The following CACNA2D2 variants were observed in gnomAD, a reference collection of about 807,000 sequenced individuals.
The protein encoded by CACNA2D2 is calcium voltage-gated channel auxiliary subunit alpha2delta 2.
A neutral mutation model predicts 166.4 loss-of-function variants in CACNA2D2; 48 were observed. The ratio of observed to expected loss-of-function variants is 0.29; its 90% CI spans 0.23 to 0.37. The LOEUF is 0.37. Among genes scored for constraint, CACNA2D2 ranks in the 10% least tolerant of loss-of-function variants. The probability of loss-of-function intolerance (pLI) is 1.00; values close to 1 mark genes in which losing one functional copy is unlikely to be tolerated. For synonymous variants in CACNA2D2, 561 were observed against 573.7 expected, an observed-to-expected ratio of 0.98 and a Z score of 0.32; for missense variants, 1,122 against 1,433.0, an observed-to-expected ratio of 0.78 and a Z score of 3.50.
intron 2 of CACNA2D2, among the ~76,000 whole-genome samples, chr3:50,437,522 G>A (rs1241242751): frequency 2.6e-5 from 4 of 152,168 alleles, no homozygotes; most frequent in Non-Finnish European, 5.9e-5. Flanking sequence ...ATAGCCCCTA[G>A]TGCCACAGCC....
At chr3:50,465,966 G>A (rs192902544) in intron 2 of CACNA2D2, among the ~76,000 whole-genome samples, 1 of 152,268 alleles carries the variant, frequency 6.6e-6, no homozygotes, top group East Asian at 1.9e-4. Flanking sequence ...CCACTCCCCA[G>A]GAGGCCCGGG....
chr3:50,366,565 A>G lies in CACNA2D2; in HGVS notation c.2637+13T>C, dbSNP rs1385474842. The G allele has an allele frequency of 6.2e-7, 1 of 1,613,732 alleles. No homozygotes were observed. On this transcript the variant is annotated intron_variant, in intron 30 of 37. Transcript: ENST00000424201. The surrounding 1 kb of genome is among the most constrained non-coding windows in gnomAD (Gnocchi z 5.9). ...GTAAGCTAGGGTCCAGGGTAGGTTC[A>G]GGGCACACACACCTCATTGTTAACC...
At chr3:50,430,309 C>T (rs1006249552) in intron 3 of CACNA2D2, among the ~76,000 whole-genome samples, 4 of 152,210 alleles carry the variant, frequency 2.6e-5, no homozygotes, top group Admixed American at 6.5e-5. Flanking sequence ...TCACCCCTCA[C>T]CTAATCCTGG....
chr3:50,395,164 T>C (rs1481697787), intron 3 of CACNA2D2, among the ~76,000 whole-genome samples: 1 of 152,186 alleles, frequency 6.6e-6, no homozygotes, highest in African/African-American at 2.4e-5. Context: ...ACCATCACTA[T>C]CAACTGGCCA....
rs1340091797 is a variant in CACNA2D2, at chr3:50,476,147, T to C, written c.259A>G (p.Ile87Val). The change falls in exon 2 of 38, where the codon ATT (isoleucine) becomes GTT (valine). Residue 87 changes from isoleucine (I) to valine (V), a missense_variant. Physicochemically the swap from Ile to Val is conservative, Grantham distance 29 (BLOSUM62 3). Transcript: ENST00000424201. ...CGGAGCTGCTGGACGCCTCCAAAAATCCGCATCACGCCGTCGACCTCCTGC... is the reference window on the plus strand; with the variant it reads ...CGGAGCTGCTGGACGCCTCCAAAAACCCGCATCACGCCGTCGACCTCCTGC... The part of the protein sequence containing the change: ...LEQEVDGVMR[I>V]FGGVQQLREI... 1.4e-5 allele frequency: 23 copies of C among 1,603,076 alleles called. No homozygotes were observed. The Admixed American group carries it at 3.5e-4, about 25-fold the overall frequency.
intron 2 of CACNA2D2, among the ~76,000 whole-genome samples, chr3:50,449,827 C>T (rs1380442784): frequency 4.6e-5 from 7 of 152,276 alleles, no homozygotes; most frequent in South Asian, 2.1e-4. Flanking sequence ...GCATTCAGCC[C>T]GGGCCCTAGG....
rs1707856703 is a variant in CACNA2D2, at chr3:50,427,489, T to C, written c.405+6824A>G. ...GGCGCTTGGCGCCCACGCGTGCGCCTAATTGGCTCCACGTGTCTGCGGCTC... is the reference window on the plus strand; with the variant it reads ...GGCGCTTGGCGCCCACGCGTGCGCCCAATTGGCTCCACGTGTCTGCGGCTC... On this transcript the variant is annotated intron_variant, in intron 3 of 37. Coordinates refer to ENST00000424201, the MANE Select transcript of CACNA2D2 (RefSeq NM_006030.4). The surrounding 1 kb of genome is among the most constrained non-coding windows in gnomAD (Gnocchi z 4.7). Among the ~76,000 whole-genome samples, 1 of 152,250 alleles carries C rather than the reference T, an allele frequency of 6.6e-6. No individual in the cohort carries two copies. The highest frequency in any genetic ancestry group is 1.5e-5 in the Non-Finnish European group (1 of 68,050).
chr3:50,439,039 G>A (rs1438614543), intron 2 of CACNA2D2, among the ~76,000 whole-genome samples: 4 of 152,250 alleles, frequency 2.6e-5, no homozygotes, highest in Non-Finnish European at 5.9e-5. Flanking sequence ...GAGAGGTTAA[G>A]GCGCATGCAA....
intron 4 of CACNA2D2, among the ~76,000 whole-genome samples, chr3:50,390,263 G>A (rs1467047809): frequency 1.3e-5 from 2 of 152,180 alleles, no homozygotes; most frequent in African/African-American, 2.4e-5. Flanking sequence ...TTGTCCCAGT[G>A]GCCTGCTGAG....
In CACNA2D2 at chr3:50,367,564, T is replaced by G. The variant is rs1465352785; in HGVS notation, c.2298-67A>C. 14 of 1,601,488 alleles carry G rather than the reference T, an allele frequency of 8.7e-6. No individual in the cohort carries two copies. The highest frequency in any genetic ancestry group is 1.2e-5 in the Non-Finnish European group (14 of 1,171,174). ...TGTCGGGGACAGTGGTCTCCACAGA[T>G]GCAAGGAGGCCTCTGGGCAGAACAG... On this transcript the variant is annotated intron_variant, in intron 26 of 37. Coordinates refer to ENST00000424201, the MANE Select transcript of CACNA2D2 (RefSeq NM_006030.4). This position sits in a 1 kb window ranked among gnomAD's most constrained non-coding sequence, Gnocchi z 6.5.
At chr3:50,501,508 C>T (rs1179197436) in intron 1 of CACNA2D2, among the ~76,000 whole-genome samples, 1 of 152,144 alleles carries the variant, frequency 6.6e-6, no homozygotes. Flanking sequence ...ACCCGCCTCG[C>T]CATCTTCTGG....
chr3:50,444,821 A>G (rs939481992), intron 2 of CACNA2D2, among the ~76,000 whole-genome samples: 17 of 152,190 alleles, frequency 1.1e-4, no homozygotes, highest in Admixed American at 3.3e-4. Flanking sequence ...ATGTCCTCTC[A>G]TGGTATCAGG....
chr3:50,494,426 G>C (rs2107170775), intron 1 of CACNA2D2, among the ~76,000 whole-genome samples: 1 of 152,258 alleles, frequency 6.6e-6, no homozygotes, highest in East Asian at 1.9e-4. Context: ...ACTCGAGGCA[G>C]AGCATGGGCC....
chr3:50,462,814 A>G (rs2107017854), intron 2 of CACNA2D2, among the ~76,000 whole-genome samples: 1 of 152,150 alleles, frequency 6.6e-6, no homozygotes, highest in South Asian at 2.1e-4. Context: ...TAAAACCATG[A>G]CTTTACACCA....
chr3:50,365,240 C>CCA lies in CACNA2D2; in HGVS notation c.3099-57_3099-56insTG. 1 of 1,566,996 alleles carries CCA rather than the reference C, an allele frequency of 6.4e-7. No individual in the cohort carries two copies. The highest frequency in any genetic ancestry group is 8.7e-7 in the Non-Finnish European group (1 of 1,149,700). On this transcript the variant is annotated intron_variant, in intron 35 of 37. Coordinates refer to ENST00000424201, the MANE Select transcript of CACNA2D2 (RefSeq NM_006030.4). This position sits in a 1 kb window ranked among gnomAD's most constrained non-coding sequence, Gnocchi z 4.5. ...AGTTTGCCCCGCCCTGACCCACCCC[C>CCA]ATCCTGCGGCCCCGCCCCCGGCCGC...
intron 4 of CACNA2D2, among the ~76,000 whole-genome samples, chr3:50,390,507 G>T (rs912452340): frequency 2.6e-5 from 4 of 152,182 alleles, no homozygotes; most frequent in African/African-American, 9.7e-5. Context: ...GAGGCTGAGT[G>T]TGGAAGAGTC....
In CACNA2D2 at chr3:50,365,011, C is replaced by T. The variant is rs745964926; in HGVS notation, c.3209-41G>A. On this transcript the variant is annotated intron_variant, in intron 36 of 37. Coordinates refer to ENST00000424201, the MANE Select transcript of CACNA2D2 (RefSeq NM_006030.4). The surrounding 1 kb of genome is among the most constrained non-coding windows in gnomAD (Gnocchi z 4.5). ...GAGTCAAGGAGGCGGACGGCGGCGG[C>T]GGCACGGAGGGGGCGCGCGGGGCAG... is the stretch of plus-strand genomic sequence containing the variant. 6.5e-7 allele frequency: 1 copy of T among 1,536,662 alleles called. No homozygotes were observed. The highest frequency in any genetic ancestry group is 8.8e-7 in the Non-Finnish European group (1 of 1,134,166).
intron 2 of CACNA2D2, among the ~76,000 whole-genome samples, chr3:50,450,945 T>TG (rs1329970349): frequency 2.0e-5 from 3 of 152,122 alleles, no homozygotes; most frequent in Non-Finnish European, 4.4e-5. Flanking sequence ...CCCGCCTACA[T>TG]GGGGCCCTTG....
intron 4 of CACNA2D2, among the ~76,000 whole-genome samples, chr3:50,388,876 G>A (rs1031954261): frequency 6.6e-6 from 1 of 152,244 alleles, no homozygotes; most frequent in Non-Finnish European, 1.5e-5. Flanking sequence ...CCAGCATTCT[G>A]CAACACTGAC....
Sources: allele counts gnomAD v4.1 joint callset (sites outside exome capture counted in the v4.1 genomes callset), GRCh38; gene constraint gnomAD v4.1.1; non-coding constraint Gnocchi (gnomAD v3.1); transcripts MANE v1.5; gene names NCBI Gene and HGNC (gene_info 2026-07-23, HGNC 2026-07-21).